Variants in RIT2 observed in about 807,000 individuals in gnomAD.
The protein encoded by RIT2 is GTP-binding protein Rit2.
RIT2 carries 24 observed loss-of-function variants against 23.7 expected under a neutral mutation model. The ratio of observed to expected loss-of-function variants is 1.01; its 90% CI spans 0.73 to 1.43. RIT2 has a LOEUF of 1.43. Ranked by LOEUF, RIT2 falls within the 40% of genes most tolerant of loss-of-function variation. The pLI is 0.00. For missense variants in RIT2, 236 were observed against 266.9 expected (o/e 0.88, Z 0.81); for synonymous variants, 107 against 91.1 (o/e 1.17, Z -0.99).
intron 3 of RIT2, among the ~76,000 whole-genome samples, chr18:42,940,306 A>G (rs1189633175): frequency 7.0e-6 from 1 of 143,650 alleles, no homozygotes; most frequent in Admixed American, 7.2e-5. Flanking sequence ...TATATTTAAT[A>G]TATTAATAAT....
At chr18:42,956,112 A>T (rs949835097) in intron 3 of RIT2, among the ~76,000 whole-genome samples, 1 of 152,158 alleles carries the variant, frequency 6.6e-6, no homozygotes, top group Non-Finnish European at 1.5e-5. Flanking sequence ...TCAGGTAAAG[A>T]GTGAGTCACT....
At chr18:42,820,064 G>A (rs1906105361) in intron 4 of RIT2, among the ~76,000 whole-genome samples, 1 of 152,020 alleles carries the variant, frequency 6.6e-6, no homozygotes, top group Non-Finnish European at 1.5e-5. Flanking sequence ...ATAGTATTCA[G>A]CACAGAACAA....
At chr18:42,897,099 G>T (rs1015993833) in intron 4 of RIT2, among the ~76,000 whole-genome samples, 4 of 152,142 alleles carry the variant, frequency 2.6e-5, no homozygotes, top group African/African-American at 4.8e-5. Flanking sequence ...AGGTTCTACA[G>T]GTACTACACA....
rs1201350991 is a variant in RIT2 at position 42,907,966 on chromosome 18, GA to G, written c.426+15605del. Among the ~76,000 whole-genome samples the G allele has an allele frequency of 2.3e-3, 308 of 135,784 alleles. 3 individuals carry two copies. Among genetic ancestry groups the G allele is most frequent in the African/African-American group, 6.5e-3 (240 of 36,896 alleles). The allele number at this position is 135,784 out of a possible 152,430, so 89.1% of individuals were successfully genotyped here. On this transcript the variant is annotated intron_variant, in intron 4 of 4. Transcript: ENST00000326695. ...TGCACTCCAGCGTGGGTGACAGAGT[GA>G]AAAAAAAAAAATTAAGGCAACCATC... is the stretch of plus-strand genomic sequence containing the variant.
At chr18:43,054,245 G>A (rs1033197666) in intron 1 of RIT2, among the ~76,000 whole-genome samples, 4 of 152,008 alleles carry the variant, frequency 2.6e-5, no homozygotes, top group Non-Finnish European at 5.9e-5. Flanking sequence ...AGGACCTGAA[G>A]GTAGACAGGA....
At chr18:43,106,104 T>G (rs55931365) in intron 1 of RIT2, among the ~76,000 whole-genome samples, 26,153 of 152,156 alleles carry the variant, frequency 0.17, 2,443 homozygotes, top group East Asian at 0.37. Flanking sequence ...CACCCACACT[T>G]CTGGGTTTAG....
chr18:43,070,787 T>C (rs1383135748), intron 1 of RIT2, among the ~76,000 whole-genome samples: 2 of 152,176 alleles, frequency 1.3e-5, no homozygotes, highest in Non-Finnish European at 2.9e-5. Flanking sequence ...CTGTGAGAAA[T>C]ACAGCACTAA....
intron 2 of RIT2, among the ~76,000 whole-genome samples, chr18:43,031,183 C>T (rs2144280940): frequency 6.6e-6 from 1 of 151,874 alleles, no homozygotes; most frequent in Middle Eastern, 3.4e-3. Flanking sequence ...CTCCTCTTCA[C>T]CAGCCTAATT....
At chr18:43,057,405 C>G (rs1294763754) in intron 1 of RIT2, among the ~76,000 whole-genome samples, 2 of 152,130 alleles carry the variant, frequency 1.3e-5, no homozygotes, top group Non-Finnish European at 2.9e-5. Flanking sequence ...AACCTCATCT[C>G]CAGGATTTTC....
intron 4 of RIT2, among the ~76,000 whole-genome samples, chr18:42,892,272 G>A (rs1908200943): frequency 6.6e-6 from 1 of 152,078 alleles, no homozygotes; most frequent in Admixed American, 6.6e-5. Context: ...CATATGTGTA[G>A]GCCCCATTTT....
intron 2 of RIT2, among the ~76,000 whole-genome samples, chr18:42,998,676 A>C (rs895692432): frequency 1.3e-5 from 2 of 152,082 alleles, no homozygotes; most frequent in African/African-American, 4.8e-5. Flanking sequence ...AATGTAAACA[A>C]AGAGATACAG....
intron 4 of RIT2, among the ~76,000 whole-genome samples, chr18:42,752,210 T>C (rs1016484720): frequency 3.3e-5 from 5 of 152,146 alleles, no homozygotes; most frequent in African/African-American, 1.2e-4. Context: ...GTCTGACTGG[T>C]TTGGAACTAG....
At chr18:42,926,776 CTTTAAAATTTGGATGATTTTTG>C (rs1023999049) in intron 3 of RIT2, among the ~76,000 whole-genome samples, 1 of 151,942 alleles carries the variant, frequency 6.6e-6, no homozygotes, top group African/African-American at 2.4e-5. Flanking sequence ...AGCATACATA[CTTTAAAATTTGGATGATTTTTG>C]TTTTGCACCT....
At chr18:43,114,414 G>A (rs960902288) in intron 1 of RIT2, among the ~76,000 whole-genome samples, 1 of 151,748 alleles carries the variant, frequency 6.6e-6, no homozygotes, top group Non-Finnish European at 1.5e-5. Context: ...TAGTTTTTTG[G>A]TTTCTTCTGC....
intron 3 of RIT2, among the ~76,000 whole-genome samples, chr18:42,934,039 G>GAAAAAAAA (rs5824459): frequency 7.6e-6 from 1 of 130,758 alleles, no homozygotes; most frequent in Non-Finnish European, 1.6e-5. Flanking sequence ...AAAAAAAAAA[G>GAAAAAAAA]AAAAAAAAAA....
At chr18:42,887,960 A>C (rs1004193189) in intron 4 of RIT2, among the ~76,000 whole-genome samples, 1 of 152,104 alleles carries the variant, frequency 6.6e-6, no homozygotes, top group African/African-American at 2.4e-5. Flanking sequence ...GAAAAGGTAA[A>C]ACTATGGAGA....
chr18:42,800,596 T>A (rs1476007887), intron 4 of RIT2, among the ~76,000 whole-genome samples: 1 of 148,652 alleles, frequency 6.7e-6, no homozygotes, highest in African/African-American at 2.4e-5. Context: ...AGTGGCGCCA[T>A]CTGGCTCACT....
intron 4 of RIT2, among the ~76,000 whole-genome samples, chr18:42,779,094 T>C (rs1288988615): frequency 1.3e-5 from 2 of 152,208 alleles, no homozygotes; most frequent in Admixed American, 1.3e-4. Context: ...ATACCATGAT[T>C]TTCATATTGA....
intron 4 of RIT2, among the ~76,000 whole-genome samples, chr18:42,813,209 T>A (rs1442652795): frequency 6.6e-6 from 1 of 152,194 alleles, no homozygotes; most frequent in Non-Finnish European, 1.5e-5. Context: ...CAGTATTTTC[T>A]TTTGAAGGTG....
Sources: allele counts gnomAD v4.1 joint callset (sites outside exome capture counted in the v4.1 genomes callset), GRCh38; gene constraint gnomAD v4.1.1; transcripts MANE v1.5; gene names NCBI Gene and HGNC (gene_info 2026-07-23, HGNC 2026-07-21).